Variants in FOXN2 observed in about 807,000 individuals in gnomAD.
FOXN2 encodes forkhead box N2.
Under a neutral mutation model 41.2 loss-of-function variants are expected in FOXN2, and 19 were observed. The observed-to-expected ratio is 0.46, with a 90% CI of 0.32 to 0.68. The LOEUF is 0.68. FOXN2 is among the 30% of genes least tolerant of loss of function. FOXN2 has a pLI of 0.03. For synonymous variants in FOXN2, 195 were observed against 176.8 expected (o/e 1.10, Z -0.82); for missense variants, 587 against 509.4 (o/e 1.15, Z -1.47).
intron 4 of FOXN2, among the ~76,000 whole-genome samples, chr2:48,362,055 G>T (rs1227058631): frequency 6.6e-6 from 1 of 152,080 alleles, no homozygotes; most frequent in East Asian, 1.9e-4. Flanking sequence ...CAGCCTATGT[G>T]GGAGATTTAA....
intron 1 of FOXN2, among the ~76,000 whole-genome samples, chr2:48,324,014 C>G (rs1235631533): frequency 6.6e-6 from 1 of 151,962 alleles, no homozygotes; most frequent in Non-Finnish European, 1.5e-5. Flanking sequence ...CTTTGAAATA[C>G]TGTTCAGATG....
At chr2:48,351,142 A>T (rs1671420149) in intron 3 of FOXN2, among the ~76,000 whole-genome samples, 1 of 151,978 alleles carries the variant, frequency 6.6e-6, no homozygotes, top group Non-Finnish European at 1.5e-5. Flanking sequence ...TTCTAATTTT[A>T]GTAGAGACAG....
At position 48,369,710 on chromosome 2, in the gene FOXN2, C is replaced by T. The variant is rs78040461; in HGVS notation, c.704-3582C>T. 5.3e-3 allele frequency among the ~76,000 whole-genome samples: 806 copies of T among 151,536 alleles called. 10 individuals are homozygous for T. Among genetic ancestry groups the T allele is most frequent in the African/African-American group, 0.018 (739 of 41,300 alleles). On this transcript the variant is annotated intron_variant, in intron 5 of 6. Transcript: ENST00000340553. ...TATAAAATTAGAAACAAGGTAGATC[C>T]TTTTTATTAAAAAGAAAATTTAGGC...
At chr2:48,366,243 C>T (rs1672525528) in intron 5 of FOXN2, among the ~76,000 whole-genome samples, 1 of 151,810 alleles carries the variant, frequency 6.6e-6, no homozygotes, top group South Asian at 2.1e-4. Flanking sequence ...CCTGTAATTC[C>T]AGCTACTCAG....
At chr2:48,374,239 A>AT (rs1249741474) in intron 6 of FOXN2, among the ~76,000 whole-genome samples, 2 of 152,212 alleles carry the variant, frequency 1.3e-5, no homozygotes, top group Non-Finnish European at 2.9e-5. Flanking sequence ...TCAGCAAAAT[A>AT]TATGACTAGG....
At chr2:48,320,552 A>T (rs1270222547) in intron 1 of FOXN2, among the ~76,000 whole-genome samples, 1 of 152,138 alleles carries the variant, frequency 6.6e-6, no homozygotes, top group East Asian at 1.9e-4. Context: ...GGCCTCCCAA[A>T]GTGCTGGAAT....
intron 2 of FOXN2, among the ~76,000 whole-genome samples, chr2:48,333,265 T>TC (rs1341805436): frequency 6.6e-6 from 1 of 152,120 alleles, no homozygotes; most frequent in Non-Finnish European, 1.5e-5. Context: ...CTCTTATACA[T>TC]CTCTTTCTCT....
At chr2:48,371,015 A>G (rs1181374542) in intron 5 of FOXN2, among the ~76,000 whole-genome samples, 1 of 151,876 alleles carries the variant, frequency 6.6e-6, no homozygotes, top group Admixed American at 6.6e-5. Flanking sequence ...CTGCCTGTAG[A>G]TATATATCCA....
At chr2:48,317,595 C>CTTGTTTTTT (rs1669007206) in intron 1 of FOXN2, among the ~76,000 whole-genome samples, 1 of 34,712 alleles carries the variant, frequency 2.9e-5, no homozygotes, top group Non-Finnish European at 5.7e-5. Flanking sequence ...TATAGTATTG[C>CTTGTTTTTT]TTTTTTTTTT....
rs973416268 is a variant in FOXN2 at position 48,378,187 on chromosome 2, A to C, written c.*2744A>C. 3 of 152,288 alleles carry C rather than the reference A, an allele frequency of 2.0e-5. No individual in the cohort carries two copies. The highest frequency in any genetic ancestry group is 4.8e-5 in the African/African-American group (2 of 41,410). 9.4% of individuals were successfully genotyped at this position (152,288 alleles called of 1,614,324 possible). On this transcript the variant is annotated 3_prime_UTR_variant, in exon 7 of 7. Coordinates refer to ENST00000340553, the MANE Select transcript of FOXN2 (RefSeq NM_002158.4). ...CTGTTTCTTGAATATATATTTTTGA[A>C]GTTTTTTTGTGCAATATATTACTAA...
intron 3 of FOXN2, among the ~76,000 whole-genome samples, chr2:48,351,703 G>C (rs930703820): frequency 6.6e-6 from 1 of 152,094 alleles, no homozygotes; most frequent in Non-Finnish European, 1.5e-5. Flanking sequence ...TGATCGGACA[G>C]GAGGCAGAGC....
At chr2:48,346,065 A>G (rs995110364) in intron 2 of FOXN2, 136 bp from the exon 3 acceptor site, 12 of 682,472 alleles carry the variant, frequency 1.8e-5, no homozygotes, top group Non-Finnish European at 3.0e-5. Flanking sequence ...CATTATACAA[A>G]TGTTGTGCTT....
chr2:48,324,344 A>G (rs1313550211), intron 1 of FOXN2, among the ~76,000 whole-genome samples: 5 of 152,022 alleles, frequency 3.3e-5, no homozygotes, highest in Non-Finnish European at 5.9e-5. Flanking sequence ...ACAGGCACCT[A>G]CCACTTTGCC....
At chr2:48,332,165 CTTTT>C (rs1670058607) in intron 2 of FOXN2, among the ~76,000 whole-genome samples, 1 of 151,954 alleles carries the variant, frequency 6.6e-6, no homozygotes, top group South Asian at 2.1e-4. Context: ...TGTGTCTTTT[CTTTT>C]TGTTTTTGAG....
intron 2 of FOXN2, among the ~76,000 whole-genome samples, chr2:48,337,371 C>T (rs191333597): frequency 1.1e-4 from 17 of 150,724 alleles, no homozygotes; most frequent in Admixed American, 7.9e-4. Context: ...GATCTCAGCT[C>T]GCTGTAACCT....
chr2:48,328,198 G>A (rs183002484), intron 1 of FOXN2, among the ~76,000 whole-genome samples: 6 of 152,164 alleles, frequency 3.9e-5, no homozygotes, highest in Non-Finnish European at 7.4e-5. Context: ...TAGGACTTTC[G>A]CTCTGTTGAC....
intron 2 of FOXN2, among the ~76,000 whole-genome samples, chr2:48,332,249 CT>C (rs1039359341): frequency 2.0e-5 from 3 of 152,084 alleles, no homozygotes; most frequent in South Asian, 2.1e-4. Context: ...TTTATAAATT[CT>C]TTTTTTGTGT....
chr2:48,336,339 G>C (rs923522510), intron 2 of FOXN2, among the ~76,000 whole-genome samples: 3 of 151,128 alleles, frequency 2.0e-5, no homozygotes, highest in Admixed American at 1.3e-4. Context: ...ACCTGGGAGG[G>C]GGAGGTTGCT....
intron 3 of FOXN2, among the ~76,000 whole-genome samples, chr2:48,354,467 G>A (rs1406831585): frequency 2.0e-5 from 3 of 152,332 alleles, no homozygotes; most frequent in East Asian, 3.9e-4. Context: ...GGGTGTGGTG[G>A]CGTGTGCCTG....
Sources: gnomAD v4.1 joint callset for allele counts (sites outside exome capture counted in the v4.1 genomes callset) on GRCh38, gnomAD v4.1.1 for gene constraint, MANE v1.5 for transcripts, NCBI Gene and HGNC (gene_info 2026-07-23, HGNC 2026-07-21) for gene names.